Variants in SMCO2 observed in about 807,000 individuals in gnomAD.
SMCO2 encodes the protein single-pass membrane and coiled-coil domain-containing protein 2.
A neutral mutation model predicts 29.5 loss-of-function variants in SMCO2; 25 were observed. The observed-to-expected ratio is 0.85, with a 90% CI of 0.62 to 1.18. SMCO2 has a LOEUF of 1.18. Ranked by LOEUF, SMCO2 falls within the 50% of genes most tolerant of loss-of-function variation. SMCO2 has a pLI of 0.00. For synonymous variants in SMCO2, 117 were observed against 123.3 expected (o/e 0.95, Z 0.34); for missense variants, 348 against 344.5 (o/e 1.01, Z -0.08).
chr12:27,425,074 C>T, the SMCO2 span: 2 of 152,188 alleles, frequency 1.3e-5, no homozygotes, highest in East Asian at 1.9e-4. Flanking sequence ...TTTCTGAACT[C>T]ACTTGAGAGT....
At chr12:27,464,716 C>CAAAAAAAAAAAAAAAAAA (rs767874837), upstream of SMCO2, among the ~76,000 whole-genome samples, 1 of 46,134 alleles carries the variant, frequency 2.2e-5, no homozygotes, top group Admixed American at 2.7e-4. Flanking sequence ...GACCCTGTCT[C>CAAAAAAAAAAAAAAAAAA]AAAAAAAAAA....
At chr12:27,492,309 G>T (rs1234815157) in intron 5 of SMCO2, among the ~76,000 whole-genome samples, 1 of 151,792 alleles carries the variant, frequency 6.6e-6, no homozygotes, top group African/African-American at 2.4e-5. Flanking sequence ...ATTTTATTTT[G>T]TTGGATATTT....
At chr12:27,435,952 A>G in the SMCO2 span, among the ~76,000 whole-genome samples, 1 of 152,254 alleles carries the variant, frequency 6.6e-6, no homozygotes, top group Non-Finnish European at 1.5e-5. Context: ...CTTAAACAAC[A>G]AACATTTATT....
intron 7 of SMCO2, among the ~76,000 whole-genome samples, chr12:27,500,885 A>T (rs555618149): frequency 6.6e-6 from 1 of 150,770 alleles, no homozygotes; most frequent in Admixed American, 6.6e-5. Flanking sequence ...AGGTCACAAA[A>T]TCGATCCATG....
In SMCO2 at chr12:27,486,131, T is replaced by C. The variant is rs138662618; in HGVS notation, c.363-2329T>C. ...TTCTGCCCACTTCAATCTGCTATGATTTCCCTCCCATTTCAAGTAGTTTTA... is the reference window on the plus strand; with the variant it reads ...TTCTGCCCACTTCAATCTGCTATGACTTCCCTCCCATTTCAAGTAGTTTTA... On this transcript the variant is annotated intron_variant, in intron 4 of 7. Transcript: ENST00000298876. Among the ~76,000 whole-genome samples, 171 of 152,344 alleles carry C rather than the reference T, an allele frequency of 1.1e-3. 1 individual carries two copies. The highest frequency in any genetic ancestry group is 2.7e-3 in the African/African-American group (111 of 41,590).
chr12:27,463,622 T>C (rs1949475101), upstream of SMCO2, among the ~76,000 whole-genome samples: 1 of 152,148 alleles, frequency 6.6e-6, no homozygotes, highest in Non-Finnish European at 1.5e-5. Flanking sequence ...GCACAATGCT[T>C]TGAGCACAGA....
intron 5 of SMCO2, among the ~76,000 whole-genome samples, chr12:27,490,479 T>A (rs570146358): frequency 6.6e-6 from 1 of 152,312 alleles, no homozygotes; most frequent in South Asian, 2.1e-4. Context: ...TTCATAGAAC[T>A]GTATACTTTA....
chr12:27,430,796 C>A, the SMCO2 span, among the ~76,000 whole-genome samples: 1 of 152,102 alleles, frequency 6.6e-6, no homozygotes, highest in Non-Finnish European at 1.5e-5. Context: ...ATTTTACACA[C>A]AAGCAAACTG....
At chr12:27,449,704 C>T in the SMCO2 span, among the ~76,000 whole-genome samples, 2 of 152,214 alleles carry the variant, frequency 1.3e-5, no homozygotes, top group Admixed American at 6.5e-5. Context: ...GAGTGATGCA[C>T]TGATAACACC....
intron 4 of SMCO2, among the ~76,000 whole-genome samples, chr12:27,476,471 A>G (rs1478071175): frequency 5.9e-5 from 9 of 151,844 alleles, no homozygotes; most frequent in East Asian, 1.9e-4. Context: ...AAAGTCCCCA[A>G]CTGTTATTGT....
At chr12:27,478,703 G>A (rs984221264) in intron 4 of SMCO2, among the ~76,000 whole-genome samples, 1 of 152,106 alleles carries the variant, frequency 6.6e-6, no homozygotes, top group Admixed American at 6.5e-5. Flanking sequence ...CTATCACCAG[G>A]CCCTTGAACA....
chr12:27,495,581 C>T, intron 6 of SMCO2, 99 bp from the exon 8 acceptor site: 1 of 1,187,906 alleles, frequency 8.4e-7, no homozygotes, highest in Non-Finnish European at 1.1e-6. Flanking sequence ...AATGTGGGCC[C>T]CCAAGGTGAT....
the SMCO2 span, chr12:27,423,755 A>G: frequency 6.6e-6 from 1 of 152,108 alleles, no homozygotes; most frequent in African/African-American, 2.4e-5. Flanking sequence ...AAGCCATTTA[A>G]ACTCTGTGCC....
At chr12:27,497,850 G>A (rs1943030177) in intron 7 of SMCO2, 2 of 292,148 alleles carry the variant, frequency 6.8e-6, no homozygotes, top group Non-Finnish European at 1.3e-5. Context: ...GTGAACAGTG[G>A]ACAATCTCTG....
intron 7 of SMCO2, among the ~76,000 whole-genome samples, chr12:27,499,397 A>C (rs1374687833): frequency 6.6e-6 from 1 of 150,682 alleles, no homozygotes; most frequent in African/African-American, 2.5e-5. Flanking sequence ...ATATAGATTC[A>C]AAGTAGATTC....
At position 27,502,071 on chromosome 12, in the gene SMCO2, A is replaced by T. The variant is rs868331587; in HGVS notation, c.832A>T (p.Met278Leu). The change falls in exon 8 of 8, where the codon ATG becomes TTG. Residue 278 changes from methionine to leucine, a missense_variant. By Grantham distance (15) the Met-to-Leu change is conservative. Transcript: ENST00000298876. ...CCGCACCACATGGGACCTACGGGAGATGAGAGAGCCTTTCTTGAATTTGGA... is the reference window on the plus strand; with the variant it reads ...CCGCACCACATGGGACCTACGGGAGTTGAGAGAGCCTTTCTTGAATTTGGA... 7.8e-6 allele frequency: 12 copies of T among 1,544,804 alleles called. No individual in the cohort carries two copies. In the African/African-American group the frequency reaches 1.4e-4, roughly 18 times the overall value.
exon 7 of SMCO2, chr12:27,495,851 G>A (rs1592219785): frequency 3.3e-6 from 5 of 1,495,964 alleles, no homozygotes; most frequent in Non-Finnish European, 4.5e-6. Context: ...CCGCAATACA[G>A]CATGGTAAGT....
rs761762619 is a variant in SMCO2, at chr12:27,482,634, C to A, written c.363-5826C>A. Among the ~76,000 whole-genome samples the A allele has an allele frequency of 8.0e-4, 122 of 152,222 alleles. 1 individual carries two copies. Among genetic ancestry groups the A allele is most frequent in the Non-Finnish European group, 1.9e-4 (13 of 68,052 alleles). Reference sequence around the variant, plus strand: ...GATTATTTAAAGTATGTTTTAGTTTCCAGGTATGTAGAGATCTTCCAGATA... The same window carrying A: ...GATTATTTAAAGTATGTTTTAGTTTACAGGTATGTAGAGATCTTCCAGATA... On this transcript the variant is annotated intron_variant, in intron 4 of 7. Coordinates refer to ENST00000298876, the Ensembl canonical transcript of SMCO2.
chr12:27,465,654 A>G (rs184684599), upstream of SMCO2, among the ~76,000 whole-genome samples: 524 of 152,314 alleles, frequency 3.4e-3, 4 homozygotes, highest in African/African-American at 0.012. Context: ...TTTTTTGAGC[A>G]CCTATTGTGC....
Sources: allele counts gnomAD v4.1 joint callset (sites outside exome capture counted in the v4.1 genomes callset), GRCh38; gene constraint gnomAD v4.1.1; transcripts MANE v1.5; gene names NCBI Gene and HGNC (gene_info 2026-07-23, HGNC 2026-07-21).